CYP4V2: variants seen among roughly 807,000 people sequenced by gnomAD.
CYP4V2 encodes the protein cytochrome P450 family 4 subfamily V member 2.
A neutral mutation model predicts 60.8 loss-of-function variants in CYP4V2; 55 were observed. That is an observed-to-expected ratio of 0.90 (90% CI 0.73 to 1.13). The LOEUF is 1.13. CYP4V2 is among the 50% of genes most tolerant of loss of function. The pLI is 0.00. For synonymous variants in CYP4V2, 239 were observed against 236.8 expected (o/e 1.01, Z -0.08); for missense variants, 675 against 662.9 (o/e 1.02, Z -0.20).
chr4:186,197,339 G>A, intron 4 of CYP4V2, 194 bp from the exon 5 acceptor site: 1 of 841,480 alleles, frequency 1.2e-6, no homozygotes, highest in Non-Finnish European at 1.9e-6. Flanking sequence ...GCCCAGGGAG[G>A]CGAAGGGAAG....
chr4:186,197,694 G>T, intron 5 of CYP4V2, 92 bp downstream of exon 5: 1 of 1,368,080 alleles, frequency 7.3e-7, no homozygotes, highest in South Asian at 1.2e-5. Flanking sequence ...ATCTTTTTAT[G>T]GTTTCAAAAT....
intron 1 of CYP4V2, among the ~76,000 whole-genome samples, chr4:186,193,581 A>G (rs751239036): frequency 6.6e-6 from 1 of 152,152 alleles, no homozygotes; most frequent in Non-Finnish European, 1.5e-5. Context: ...TAAAGTGACT[A>G]TATTACAGAG....
At position 186,192,019 on chromosome 4, in the gene CYP4V2, A is replaced by C. The variant is rs1736000829; in HGVS notation, c.196A>C (p.Met66Leu). ...AYPLVGHALL[M>L]KPDGREFFQQ... ...CCCACTGGTGGGCCACGCGCTGCTG[A>C]TGAAGCCGGACGGGCGAGGTAAGGG... The change falls in exon 1 of 11, where the codon ATG becomes CTG. Residue 66 changes from methionine to leucine, a missense_variant. Physicochemically the swap from Met to Leu is conservative, Grantham distance 15. Coordinates refer to ENST00000378802, the MANE Select transcript of CYP4V2 (RefSeq NM_207352.4). 6.3e-7 allele frequency: 1 copy of C among 1,581,186 alleles called. No individual in the cohort carries two copies. Among genetic ancestry groups the C allele is most frequent in the Admixed American group, 1.8e-5 (1 of 56,712 alleles).
At position 186,196,324 on chromosome 4, in the gene CYP4V2, G is replaced by A. The variant is rs1301555457; in HGVS notation, c.413+236G>A. The A allele has an allele frequency of 5.4e-6, 3 of 550,466 alleles. No individual in the cohort carries two copies. The African/African-American group carries it at 5.7e-5, about 10-fold the overall frequency. The allele number at this position is 550,466 out of a possible 1,614,324, so 34.1% of individuals were successfully genotyped here. A position where few individuals can be genotyped will look rare whatever the true frequency, so the allele number is the denominator to read the frequency against. On this transcript the variant is annotated intron_variant, in intron 3 of 10. Transcript: ENST00000378802. ...TGGTATTCAATAGCGACTGTCGCCAGTGTTCAGGAAGACTCAGGAGGTCCT... is the reference window on the plus strand; with the variant it reads ...TGGTATTCAATAGCGACTGTCGCCAATGTTCAGGAAGACTCAGGAGGTCCT...
chr4:186,210,195 AG>A (rs1736661149), intron 10 of CYP4V2, among the ~76,000 whole-genome samples: 1 of 152,196 alleles, frequency 6.6e-6, no homozygotes, highest in African/African-American at 2.4e-5. Context: ...GACATAATCT[AG>A]GGTAGTGAGT....
In CYP4V2 at chr4:186,212,026, T is replaced by C. The variant is rs980355042; in HGVS notation, c.*1385T>C. 1.3e-5 allele frequency: 2 copies of C among 152,190 alleles called. No individual in the cohort carries two copies. Among genetic ancestry groups the C allele is most frequent in the East Asian group, 1.9e-4 (1 of 5,200 alleles). 9.4% of individuals were successfully genotyped at this position (152,190 alleles called of 1,614,324 possible). ...ATGCCTTTTGGAGCTAGAAGGACTT[T>C]AGAACTTATCTAGTTATGCTCCTTT... On this transcript the variant is annotated 3_prime_UTR_variant, in exon 11 of 11. Transcript: ENST00000378802.
intron 3 of CYP4V2, 33 bp from the exon 4 acceptor site, chr4:186,196,907 T>C (rs1478173565): frequency 1.9e-6 from 3 of 1,597,506 alleles, no homozygotes; most frequent in Non-Finnish European, 2.6e-6. Flanking sequence ...TCTCTGTAGA[T>C]ATATTTTTTG....
At chr4:186,193,721 A>G (rs572657575) in intron 1 of CYP4V2, among the ~76,000 whole-genome samples, 1 of 152,342 alleles carries the variant, frequency 6.6e-6, no homozygotes, top group East Asian at 1.9e-4. Context: ...GTTGACCTCA[A>G]CAAAGTTGGG....
chr4:186,210,515 C>T lies in CYP4V2; in HGVS notation c.1452C>T (p.Ile484=), dbSNP rs747362058. ...AAGAAAAGACCATTCTTTCGTGCAT[C>T]CTGAGGCACTTTTGGATAGAATCCA... ...VMEEKTILSC[I]LRHFWIESNQ... is the part of the protein sequence containing the mutation. The change falls in exon 11 of 11, where the codon ATC becomes ATT. Residue 484 remains isoleucine, a synonymous_variant. Coordinates refer to ENST00000378802, the MANE Select transcript of CYP4V2 (RefSeq NM_207352.4). 1.9e-6 allele frequency: 3 copies of T among 1,614,144 alleles called. No homozygotes were observed. Among genetic ancestry groups the T allele is most frequent in the South Asian group, 1.1e-5 (1 of 91,078 alleles).
chr4:186,202,726 GCA>G (rs1736349942), intron 7 of CYP4V2: 1 of 151,180 alleles, frequency 6.6e-6, no homozygotes, highest in African/African-American at 2.4e-5. Flanking sequence ...ACAAACACAT[GCA>G]CACACCTACA....
chr4:186,192,128 G>A (rs1426988440), intron 1 of CYP4V2, 91 bp downstream of exon 1: 8 of 1,470,456 alleles, frequency 5.4e-6, no homozygotes, highest in African/African-American at 1.4e-5. Flanking sequence ...TTGTGGCGCT[G>A]GCCGCAGGAG....
rs1374019908 is a variant in CYP4V2, at chr4:186,194,601, G to C, written c.316G>C (p.Glu106Gln). The C allele has an allele frequency of 1.9e-6, 3 of 1,613,812 alleles. No homozygotes were observed. Among genetic ancestry groups the C allele is most frequent in the Non-Finnish European group, 2.5e-6 (3 of 1,179,762 alleles). The part of the protein sequence containing the change: ...PVPMVALYNA[E>Q]NVEVILTSSK... The stretch of plus-strand genomic sequence containing the variant: ...GCCCATGGTGGCCCTTTATAATGCA[G>C]AAAATGTGGAGGTGGGTACATGTGA... The change falls in exon 2 of 11, where the codon GAA becomes CAA. Residue 106 changes from glutamate to glutamine, a missense_variant. Transcript: ENST00000378802.
At chr4:186,204,787 C>T (rs892636612) in intron 7 of CYP4V2, 4 of 317,586 alleles carry the variant, frequency 1.3e-5, no homozygotes, top group East Asian at 7.5e-5. Context: ...AGAACCACAC[C>T]TCTACCCCCT....
Position 186,199,074 on chromosome 4 carries a change from T to C in CYP4V2, c.792T>C (p.Phe264=). 6.2e-7 allele frequency: 1 copy of C among 1,613,694 alleles called. No homozygotes were observed. Among genetic ancestry groups the C allele is most frequent in the Middle Eastern group, 1.6e-4 (1 of 6,062 alleles). The change falls in exon 6 of 11, where the codon TTT becomes TTC. Residue 264 remains phenylalanine, a synonymous_variant. Transcript: ENST00000378802. Reference sequence around the variant, plus strand: ...AGAGCCTTCAGATCCTACATACTTTTACCAACAGTGTAAGTCCCTGACTTT... The same window carrying C: ...AGAGCCTTCAGATCCTACATACTTTCACCAACAGTGTAAGTCCCTGACTTT... The part of the protein sequence containing the change: ...HKKSLQILHT[F]TNSVIAERAN...
intron 6 of CYP4V2, 46 bp from the exon 7 acceptor site, chr4:186,201,111 A>C: frequency 1.3e-6 from 2 of 1,595,000 alleles, no homozygotes; most frequent in Non-Finnish European, 1.7e-6. Flanking sequence ...ACTAGGGTGC[A>C]TCCAAGTCCA....
chr4:186,208,419 G>A (rs1421622411), intron 8 of CYP4V2, among the ~76,000 whole-genome samples: 4 of 148,946 alleles, frequency 2.7e-5, no homozygotes, highest in African/African-American at 9.9e-5. Context: ...TCTTTGATGG[G>A]CATTTGATGG....
intron 4 of CYP4V2, 125 bp from the exon 5 acceptor site, chr4:186,197,408 A>G (rs890012890): frequency 9.9e-7 from 1 of 1,014,804 alleles, no homozygotes; most frequent in Non-Finnish European, 1.5e-6. Context: ...AAAGGGAGGA[A>G]GAAGAATTCT....
intron 3 of CYP4V2, 82 bp downstream of exon 3, chr4:186,196,170 G>C (rs1253580437): frequency 8.1e-7 from 1 of 1,228,548 alleles, no homozygotes; most frequent in East Asian, 2.3e-5. Flanking sequence ...ATTAACACAG[G>C]GTAGCTTTTT....
intron 8 of CYP4V2, among the ~76,000 whole-genome samples, chr4:186,207,422 AAAAG>A (rs978681425): frequency 1.1e-3 from 156 of 142,820 alleles, no homozygotes; most frequent in Middle Eastern, 7.2e-3. Context: ...CAAAAAAAAA[AAAAG>A]AAAGAAAGAA....
Sources: allele counts gnomAD v4.1 joint callset (sites outside exome capture counted in the v4.1 genomes callset), GRCh38; gene constraint gnomAD v4.1.1; transcripts MANE v1.5; gene names NCBI Gene and HGNC (gene_info 2026-07-23, HGNC 2026-07-21).